ADGRV1: variants seen among roughly 807,000 people sequenced by gnomAD.
ADGRV1 encodes adhesion G protein-coupled receptor V1.
ADGRV1 carries 359 observed loss-of-function variants against 596.2 expected under a neutral mutation model. The ratio of observed to expected loss-of-function variants is 0.60; its 90% CI spans 0.55 to 0.66. ADGRV1 has a LOEUF of 0.66. Among genes scored for constraint, ADGRV1 ranks in the 30% least tolerant of loss-of-function variants. The pLI, the probability that ADGRV1 is intolerant of heterozygous loss-of-function variation, is 0.00. For synonymous variants in ADGRV1, 2,681 were observed against 2,679.2 expected (o/e 1.00, Z -0.02); for missense variants, 7,274 against 7,575.6 (o/e 0.96, Z 1.48).
chr5:90,647,787 T>C (rs1768010063), intron 17 of ADGRV1, 23 bp downstream of exon 17: 2 of 1,598,074 alleles, frequency 1.3e-6, no homozygotes, highest in African/African-American at 2.7e-5. Context: ...TGCTTTTTTA[T>C]GGCAGATCTG....
chr5:91,055,660 C>G (rs774922447), intron 85 of ADGRV1, among the ~76,000 whole-genome samples: 7 of 152,176 alleles, frequency 4.6e-5, no homozygotes, highest in Non-Finnish European at 1.0e-4. Flanking sequence ...CACTTTCTCA[C>G]TGTTTTGTGA....
At chr5:91,140,295 A>G (rs1794987793) in intron 87 of ADGRV1, among the ~76,000 whole-genome samples, 1 of 152,172 alleles carries the variant, frequency 6.6e-6, no homozygotes, top group Admixed American at 6.5e-5. Flanking sequence ...ATCATCATCA[A>G]TACTGTTCTT....
chr5:90,810,782 C>G lies in ADGRV1; in HGVS notation c.15522C>G (p.Asn5174Lys), dbSNP rs774038626. 1 of 1,613,906 alleles carries G rather than the reference C, an allele frequency of 6.2e-7. No individual in the cohort carries two copies. The highest frequency in any genetic ancestry group is 8.5e-7 in the Non-Finnish European group (1 of 1,179,824). Residue 5174 changes from asparagine (N) to lysine (K), a missense_variant, in exon 74 of 90, where the codon AAC becomes AAG. Physicochemically the swap from Asn to Lys is moderately conservative, Grantham distance 94. Around this residue, in one of 5 missense-constraint regions of ADGRV1, gnomAD observed 1,874 missense variants for 1,970.2 expected, o/e 0.95. Coordinates refer to ENST00000405460, the MANE Select transcript of ADGRV1 (RefSeq NM_032119.4). ...SKTTTILQPT[N>K]VVAIVTEATG... ...CGACTACCATTCTGCAGCCAACCAACGTGGTTGCCATTGTTACTGAGGCAA... is the reference window on the plus strand; with the variant it reads ...CGACTACCATTCTGCAGCCAACCAAGGTGGTTGCCATTGTTACTGAGGCAA...
In ADGRV1 at chr5:90,713,020, C is replaced by T. The variant is rs192781887; in HGVS notation, c.9184+592C>T. Reference sequence around the variant, plus strand: ...TAAGAAAGAGACAAAGGAGAAAACTCGGGAACATACAGAACTTGAGGGTTG... The same window carrying T: ...TAAGAAAGAGACAAAGGAGAAAACTTGGGAACATACAGAACTTGAGGGTTG... On this transcript the variant is annotated intron_variant, in intron 42 of 89. Transcript: ENST00000405460. Among the ~76,000 whole-genome samples, 37 of 152,126 alleles carry T rather than the reference C, an allele frequency of 2.4e-4. No homozygotes were observed. In the East Asian group the frequency reaches 4.8e-3, roughly 20 times the overall value.
At chr5:90,807,950 C>A (rs1306120351) in intron 73 of ADGRV1, among the ~76,000 whole-genome samples, 1 of 152,154 alleles carries the variant, frequency 6.6e-6, no homozygotes, top group African/African-American at 2.4e-5. Context: ...CTCCTCATGC[C>A]CCACCTTGAG....
chr5:90,683,651 T>C lies in ADGRV1; in HGVS notation c.5730T>C (p.Asp1910=), dbSNP rs750636923. The change falls in exon 28 of 90, where the codon GAT becomes GAC. Residue 1910 remains aspartate, a synonymous_variant. Transcript: ENST00000405460. ...TLHWNIDSDP[D]GDLAFTSGNI... ...ATTGGAACATAGACTCTGATCCTGA[T>C]GGTGATCTCGCCTTCACCTCTGGCA... 1.2e-5 allele frequency: 20 copies of C among 1,613,136 alleles called. No homozygotes were observed. The highest frequency in any genetic ancestry group is 3.3e-5 in the Admixed American group (2 of 59,970).
rs1463962642 is a variant in ADGRV1 at position 90,759,678 on chromosome 5, A to AG, written c.12120+91dup. ...AAGTGTCTCACATTTTTGTTTTGGAAGTCTTGGCCAGGCATGGTGGCTCAT... is the reference window on the plus strand; with the variant it reads ...AAGTGTCTCACATTTTTGTTTTGGAAGGTCTTGGCCAGGCATGGTGGCTCAT... On this transcript the variant is annotated intron_variant, in intron 58 of 89. Coordinates refer to ENST00000405460, the MANE Select transcript of ADGRV1 (RefSeq NM_032119.4). The AG allele has an allele frequency of 5.9e-6, 7 of 1,179,908 alleles. No homozygotes were observed. In the Admixed American group the frequency reaches 1.2e-4, roughly 20 times the overall value. The allele number at this position is 1,179,908 out of a possible 1,614,324, so 73.1% of individuals were successfully genotyped here. A position where few individuals can be genotyped will look rare whatever the true frequency, so the allele number is the denominator to read the frequency against.
At chr5:91,135,106 G>C (rs2126814032) in intron 87 of ADGRV1, among the ~76,000 whole-genome samples, 1 of 149,772 alleles carries the variant, frequency 6.7e-6, no homozygotes, top group East Asian at 2.0e-4. Flanking sequence ...GCTTGAACCA[G>C]AAGGAGAGGT....
At chr5:90,743,780 A>G (rs1441586606) in intron 50 of ADGRV1, among the ~76,000 whole-genome samples, 2 of 151,912 alleles carry the variant, frequency 1.3e-5, no homozygotes, top group East Asian at 1.9e-4. Context: ...CTCATTTGAT[A>G]TATTTATGTT....
At chr5:90,818,761 A>T (rs1247024279) in intron 75 of ADGRV1, among the ~76,000 whole-genome samples, 1 of 151,630 alleles carries the variant, frequency 6.6e-6, no homozygotes, top group Non-Finnish European at 1.5e-5. Flanking sequence ...CCCAGGGATG[A>T]AGCCCACTTA....
At chr5:90,583,915 T>A (rs1442151740) in intron 1 of ADGRV1, among the ~76,000 whole-genome samples, 2 of 152,224 alleles carry the variant, frequency 1.3e-5, no homozygotes, top group African/African-American at 4.8e-5. Flanking sequence ...TTGAAAATGA[T>A]CTTTCCCATA....
At chr5:90,809,635 A>G (rs945940443) in intron 73 of ADGRV1, among the ~76,000 whole-genome samples, 6 of 152,212 alleles carry the variant, frequency 3.9e-5, no homozygotes, top group African/African-American at 1.4e-4. Flanking sequence ...AAACCTGTAG[A>G]CAGAATTAGG....
rs1192305175 is a variant in ADGRV1, at chr5:90,955,872, ATT to A, written c.17857-9536_17857-9535del. 1.2e-4 allele frequency among the ~76,000 whole-genome samples: 19 copies of A among 152,190 alleles called. No individual in the cohort carries two copies. In the East Asian group the frequency reaches 3.5e-3, roughly 28 times the overall value. ...TCGATGTAAAATGGGAGGAATAACA[ATT>A]TTTTTTAATTTATAAGAAACAGCTA... On this transcript the variant is annotated intron_variant, in intron 83 of 89. Transcript: ENST00000405460.
intron 79 of ADGRV1, among the ~76,000 whole-genome samples, chr5:90,851,134 T>TGTGTGTGTGAGAGAGAGAGAGAGAGAGA (rs757909771): frequency 2.5e-5 from 2 of 81,448 alleles, no homozygotes; most frequent in Non-Finnish European, 5.3e-5. Context: ...TGTGTGTGTG[T>TGTGTGTGTGAGAGAGAGAGAGAGAGAGA]GAGAGAGAGA....
chr5:90,791,302 G>A lies in ADGRV1; in HGVS notation c.14473G>A (p.Asp4825Asn). 6.3e-7 allele frequency: 1 copy of A among 1,593,276 alleles called. No individual in the cohort carries two copies. The highest frequency in any genetic ancestry group is 8.6e-7 in the Non-Finnish European group (1 of 1,169,226). ...ENAERQLVVK[D>N]GATYKVDVVP... Reference sequence around the variant, plus strand: ...TGCAGAGAGGCAGCTGGTGGTCAAAGATGGTGCCACATATAAAGTGGACGT... The same window carrying A: ...TGCAGAGAGGCAGCTGGTGGTCAAAAATGGTGCCACATATAAAGTGGACGT... The change falls in exon 70 of 90, where the codon GAT becomes AAT. Residue 4825 changes from aspartate to asparagine, a missense_variant. Around this residue, in one of 5 missense-constraint regions of ADGRV1, gnomAD observed 1,874 missense variants for 1,970.2 expected, o/e 0.95. Coordinates refer to ENST00000405460, the MANE Select transcript of ADGRV1 (RefSeq NM_032119.4).
intron 83 of ADGRV1, among the ~76,000 whole-genome samples, chr5:90,869,758 G>A (rs1768486036): frequency 6.6e-6 from 1 of 152,092 alleles, no homozygotes; most frequent in Non-Finnish European, 1.5e-5. Context: ...TATTACAGGA[G>A]GTAGAGATTA....
chr5:90,751,788 CG>C (rs1755286161), intron 53 of ADGRV1, among the ~76,000 whole-genome samples: 1 of 152,094 alleles, frequency 6.6e-6, no homozygotes, highest in South Asian at 2.1e-4. Flanking sequence ...TTATTTCAAA[CG>C]TGATTGGAGC....
Position 90,784,002 on chromosome 5 carries a change from C to T in ADGRV1, c.13598C>T (p.Thr4533Ile). ...ATTTCTATTGCTAATCCCAATTCCA[C>T]AATGATTTTATCACTGGTGCTGGAG... ...SKISIANPNS[T>I]MILSLVLERT... Residue 4533 changes from threonine (T) to isoleucine (I), a missense_variant, in exon 67 of 90, where the codon ACA becomes ATA. Transcript: ENST00000405460. 1 of 1,612,964 alleles carries T rather than the reference C, an allele frequency of 6.2e-7. No homozygotes were observed. The highest frequency in any genetic ancestry group is 8.5e-7 in the Non-Finnish European group (1 of 1,179,440).
chr5:90,683,840 T>C lies in ADGRV1; in HGVS notation c.5919T>C (p.Asp1973=). 1.2e-6 allele frequency: 2 copies of C among 1,613,814 alleles called. No homozygotes were observed. Among genetic ancestry groups the C allele is most frequent in the Non-Finnish European group, 1.7e-6 (2 of 1,179,826 alleles). The part of the protein sequence containing the change: ...INATLTVLAS[D]DPYGIFIFSE... Reference sequence around the variant, plus strand: ...CCACGTTAACAGTTTTGGCTAGTGATGATCCATATGGGATATTCATTTTTT... The same window carrying C: ...CCACGTTAACAGTTTTGGCTAGTGACGATCCATATGGGATATTCATTTTTT... Residue 1973 remains aspartate (D), a synonymous_variant, in exon 28 of 90, where the codon GAT becomes GAC. Coordinates refer to ENST00000405460, the MANE Select transcript of ADGRV1 (RefSeq NM_032119.4).
Sources: allele counts gnomAD v4.1 joint callset (sites outside exome capture counted in the v4.1 genomes callset), GRCh38; gene constraint gnomAD v4.1.1; regional missense constraint gnomAD v4.1.1; transcripts MANE v1.5; gene names NCBI Gene and HGNC (gene_info 2026-07-23, HGNC 2026-07-21).